Variants in UGP2 observed in about 807,000 individuals in gnomAD.
UGP2 encodes UTP--glucose-1-phosphate uridylyltransferase.
UGP2 carries 40 observed loss-of-function variants against 49.0 expected under a neutral mutation model. The ratio of observed to expected loss-of-function variants is 0.82; its 90% CI spans 0.63 to 1.06. The LOEUF is 1.06. UGP2 is among the 50% of genes least tolerant of loss of function. UGP2 has a pLI of 0.00. For synonymous variants in UGP2, 225 were observed against 213.0 expected, an observed-to-expected ratio of 1.06 and a Z score of -0.49; for missense variants, 460 against 603.5, an observed-to-expected ratio of 0.76 and a Z score of 2.49.
At chr2:63,891,081 C>T in intron 9 of UGP2, 39 bp from the exon 10 acceptor site, 2 of 1,544,670 alleles carry the variant, frequency 1.3e-6, no homozygotes, top group Non-Finnish European at 1.8e-6. Context: ...AATTGCATTT[C>T]AGTTGCAAGT....
At chr2:63,857,537 A>ATTTT (rs746707188) in intron 2 of UGP2, 1 of 457,488 alleles carries the variant, frequency 2.2e-6, no homozygotes, top group African/African-American at 2.0e-5. Context: ...TAATTTTTGT[A>ATTTT]TTTTTTTTGT....
At chr2:63,891,043 C>T in intron 9 of UGP2, 77 bp from the exon 10 acceptor site, 4 of 1,170,264 alleles carry the variant, frequency 3.4e-6, no homozygotes, top group Non-Finnish European at 4.7e-6. Context: ...AAAAGTTGTA[C>T]ATAAACTTGA....
At chr2:63,875,250 T>C (rs1343633031) in intron 3 of UGP2, among the ~76,000 whole-genome samples, 1 of 152,348 alleles carries the variant, frequency 6.6e-6, no homozygotes, top group South Asian at 2.1e-4. Context: ...ATTCGTTAAC[T>C]GTTTACACAG....
At chr2:63,868,370 C>A (rs1031659951) in intron 3 of UGP2, among the ~76,000 whole-genome samples, 1 of 152,104 alleles carries the variant, frequency 6.6e-6, no homozygotes, top group Admixed American at 6.5e-5. Context: ...ATGGCAAAAC[C>A]TTGGAAATGT....
At chr2:63,855,724 T>C (rs1669368775) in intron 1 of UGP2, 1 of 419,326 alleles carries the variant, frequency 2.4e-6, no homozygotes, top group South Asian at 1.7e-5. Flanking sequence ...GTATTTTTTG[T>C]AGAGATGAGG....
intron 1 of UGP2, among the ~76,000 whole-genome samples, chr2:63,845,560 G>A (rs571331404): frequency 2.0e-5 from 3 of 150,578 alleles, no homozygotes; most frequent in African/African-American, 7.3e-5. Flanking sequence ...GCAAGGTAAC[G>A]TTTGGACAAT....
chr2:63,869,799 C>T (rs1211532565), intron 3 of UGP2, among the ~76,000 whole-genome samples: 3 of 152,202 alleles, frequency 2.0e-5, no homozygotes, highest in East Asian at 1.9e-4. Flanking sequence ...TCTTTACTTA[C>T]ATGTAAAAAT....
Position 63,883,971 on chromosome 2 carries a change from A to C in UGP2, c.453A>C (p.Lys151Asn), listed in dbSNP as rs1214686279. The C allele has an allele frequency of 6.2e-7, 1 of 1,603,080 alleles. No individual in the cohort carries two copies. Among genetic ancestry groups the C allele is most frequent in the Non-Finnish European group, 8.5e-7 (1 of 1,176,730 alleles). The change falls in exon 5 of 10, where the codon AAA becomes AAC. Residue 151 changes from lysine (K) to asparagine (N), a missense_variant. Lys to Asn is a moderately conservative substitution (Grantham distance 94). Around this residue, in one of 2 missense-constraint regions of UGP2, gnomAD observed 317 missense variants for 473.0 expected, o/e 0.67. Transcript: ENST00000337130. ...LTVQQIEHLN[K>N]TYNTDVPLVL... ...ATTTTCCTCCCTAGCATTTGAATAA[A>C]ACCTACAATACAGATGTTCCTCTTG...
chr2:63,867,815 A>G (rs977869777), intron 3 of UGP2, among the ~76,000 whole-genome samples: 1 of 152,200 alleles, frequency 6.6e-6, no homozygotes, highest in African/African-American at 2.4e-5. Context: ...TCTTTATCAA[A>G]TGTGTTGTTA....
rs1436686418 is a variant in UGP2, at chr2:63,891,263, A to C, written c.*36A>C. 6.5e-7 allele frequency: 1 copy of C among 1,536,430 alleles called. No individual in the cohort carries two copies. Among genetic ancestry groups the C allele is most frequent in the Admixed American group, 1.7e-5 (1 of 59,140 alleles). On this transcript the variant is annotated 3_prime_UTR_variant, in exon 10 of 10. Coordinates refer to ENST00000337130, the MANE Select transcript of UGP2 (RefSeq NM_006759.4). ...ACTGTGGACACTTAAATAATGGGCT[A>C]GTTTCTTACAATGAAATGTTCTCTA...
In UGP2 at chr2:63,886,248, TTA is replaced by T. The variant is rs1050449086; in HGVS notation, c.874-87_874-86del. 2.5e-6 allele frequency: 3 copies of T among 1,207,730 alleles called. No homozygotes were observed. In the African/African-American group the frequency reaches 4.6e-5, roughly 18 times the overall value. The allele number at this position is 1,207,730 out of a possible 1,614,324, so 74.8% of individuals were successfully genotyped here. ...TTTACTCTGTTTCTACATAATGTAT[TTA>T]TATATTTTTTGTATAATCACTATCT... On this transcript the variant is annotated intron_variant, in intron 6 of 9. Transcript: ENST00000337130.
At chr2:63,862,507 G>T (rs146082991) in intron 3 of UGP2, among the ~76,000 whole-genome samples, 2 of 152,212 alleles carry the variant, frequency 1.3e-5, no homozygotes, top group African/African-American at 2.4e-5. Context: ...ACAAGCCCAT[G>T]ATTATTAATT....
intron 1 of UGP2, among the ~76,000 whole-genome samples, chr2:63,853,427 C>G (rs568960779): frequency 4.6e-5 from 7 of 152,004 alleles, no homozygotes; most frequent in African/African-American, 1.7e-4. Flanking sequence ...TCTTGGAGTT[C>G]TATGGTTATT....
intron 3 of UGP2, among the ~76,000 whole-genome samples, chr2:63,866,055 C>CA (rs576759729): frequency 1.7e-4 from 25 of 149,612 alleles, no homozygotes; most frequent in African/African-American, 2.2e-4. Context: ...AGAGTAATAG[C>CA]AAAAAAAAAT....
At chr2:63,878,712 C>T (rs537604338) in intron 3 of UGP2, among the ~76,000 whole-genome samples, 1 of 152,242 alleles carries the variant, frequency 6.6e-6, no homozygotes, top group South Asian at 2.1e-4. Context: ...TATAGGTGTG[C>T]ACCACCATGC....
At chr2:63,886,255 T>C in intron 6 of UGP2, 86 bp from the exon 7 acceptor site, 1 of 1,274,374 alleles carries the variant, frequency 7.8e-7, no homozygotes, top group South Asian at 1.3e-5. Context: ...TATTTATATA[T>C]TTTTTGTATA....
At chr2:63,873,780 TC>T (rs1670726340) in intron 3 of UGP2, among the ~76,000 whole-genome samples, 1 of 152,092 alleles carries the variant, frequency 6.6e-6, no homozygotes, top group Non-Finnish European at 1.5e-5. Context: ...AACCCTATCT[TC>T]CGCTTAGGAT....
In UGP2 at chr2:63,883,640, A is replaced by T. The variant is rs575212996; in HGVS notation, c.442-320A>T. Among the ~76,000 whole-genome samples, 11 of 152,330 alleles carry T rather than the reference A, an allele frequency of 7.2e-5. No homozygotes were observed. In the South Asian group the frequency reaches 1.7e-3, roughly 23 times the overall value. ...TGGCTGTACACAAGCTCCAGACTCA[A>T]ACTGCCTAGGGTGGGGAGGTGGGGG... On this transcript the variant is annotated intron_variant, in intron 4 of 9. Coordinates refer to ENST00000337130, the MANE Select transcript of UGP2 (RefSeq NM_006759.4).
chr2:63,887,713 GTGAAT>G (rs1671787699), intron 8 of UGP2, 69 bp downstream of exon 8: 1 of 1,566,518 alleles, frequency 6.4e-7, no homozygotes, highest in Non-Finnish European at 8.7e-7. Context: ...TGATATACAT[GTGAAT>G]TGGAGACTAA....
Sources: gnomAD v4.1 joint callset for allele counts (sites outside exome capture counted in the v4.1 genomes callset) on GRCh38, gnomAD v4.1.1 for gene constraint, gnomAD v4.1.1 regional missense constraint, MANE v1.5 for transcripts, NCBI Gene and HGNC (gene_info 2026-07-23, HGNC 2026-07-21) for gene names.